SPANXC: variants seen among roughly 807,000 people sequenced by gnomAD.
SPANXC encodes the protein sperm protein associated with the nucleus on the X chromosome C.
A neutral mutation model predicts 1.4 loss-of-function variants in SPANXC; 1 was observed. The observed-to-expected ratio is 0.73, with a 90% CI of 0.26 to 3.48. The LOEUF is 3.48. SPANXC is among the 30% of genes most tolerant of loss of function. The probability of loss-of-function intolerance (pLI) is 0.19; values close to 1 mark genes in which losing one functional copy is unlikely to be tolerated. For synonymous variants in SPANXC, 13 were observed against 30.0 expected (o/e 0.43, Z 1.85); for missense variants, 29 against 73.8 (o/e 0.39, Z 2.22).
intron 1 of SPANXC, 81 bp downstream of exon 1, chrX:141,242,305 C>T (rs1428144725): frequency 1.5e-6 from 1 of 683,913 alleles, no homozygotes; most frequent in East Asian, 5.9e-5. Flanking sequence ...CTGCAATATT[C>T]CTGTGTTGTT....
rs138594433 is a variant in SPANXC, at chrX:141,242,437, G to A, written c.21C>T (p.Ala7=). The change falls in exon 1 of 2, where the codon GCC becomes GCT. Residue 7 remains alanine, a synonymous_variant. Coordinates refer to ENST00000358993, the MANE Select transcript of SPANXC (RefSeq NM_022661.4). MDKQSS[A]GGVKRSVPCD... ...AGGGGACGCTCCTCTTCACCCCGCCGGCACTGGATTGTTTGTCCATTGTAT... is the reference window on the plus strand; with the variant it reads ...AGGGGACGCTCCTCTTCACCCCGCCAGCACTGGATTGTTTGTCCATTGTAT... 5.8e-5 allele frequency: 68 copies of A among 1,174,281 alleles called. No individual in the cohort carries two copies. The African/African-American group carries it at 1.0e-3, about 18-fold the overall frequency.
At position 141,241,671 on chromosome X, in the gene SPANXC, G is replaced by T. The variant is rs2014105935; in HGVS notation, c.140C>A (p.Ser47Tyr). The T allele has an allele frequency of 1.5e-6, 1 of 659,177 alleles. No homozygotes were observed. Among genetic ancestry groups the T allele is most frequent in the Non-Finnish European group, 2.1e-6 (1 of 480,822 alleles). The allele number at this position is 659,177 out of a possible 1,213,427, so 54.3% of individuals were successfully genotyped here. A position where few individuals can be genotyped will look rare whatever the true frequency, so the allele number is the denominator to read the frequency against. Reference protein sequence around the residue: ...PAPKKLKTSESSTILVVRYRR... With the variant: ...PAPKKLKTSEYSTILVVRYRR... Reference sequence around the variant, plus strand: ...GTAGCGAACCACTAGTATGGTCGAGGACTCAGATGTTTTTAGTTTTTTCGG... The same window carrying T: ...GTAGCGAACCACTAGTATGGTCGAGTACTCAGATGTTTTTAGTTTTTTCGG... The change falls in exon 2 of 2, where the codon TCC becomes TAC. Residue 47 changes from serine to tyrosine, a missense_variant. Transcript: ENST00000358993.
In SPANXC at chrX:141,242,508, T is replaced by A. The variant is rs781973284; in HGVS notation, c.-51A>T. On this transcript the variant is annotated 5_prime_UTR_variant, in exon 1 of 2. Transcript: ENST00000358993. ...GCGGCAGGCTTTTGTAGGTTTTGAA[T>A]CTTCGCAGTGGCCCGGAGCTCTTGC... 8.3e-7 allele frequency: 1 copy of A among 1,204,444 alleles called. No individual in the cohort carries two copies. Among genetic ancestry groups the A allele is most frequent in the Non-Finnish European group, 1.1e-6 (1 of 891,184 alleles).
chrX:141,241,817 A>G, intron 1 of SPANXC, 79 bp from the exon 2 acceptor site: 1 of 654,850 alleles, frequency 1.5e-6, no homozygotes, highest in Non-Finnish European at 2.1e-6. Context: ...AGGGGGCTTC[A>G]TGAGAAGAAG....
In SPANXC at chrX:141,242,420, C is replaced by G; in HGVS notation, c.38G>C (p.Ser13Thr). 1 of 1,155,813 alleles carries G rather than the reference C, an allele frequency of 8.7e-7. No individual in the cohort carries two copies. The highest frequency in any genetic ancestry group is 1.2e-6 in the Non-Finnish European group (1 of 860,296). The change falls in exon 1 of 2, where the codon AGC becomes ACC. Residue 13 changes from serine (S) to threonine (T), a missense_variant. Ser to Thr is a moderately conservative substitution (Grantham distance 58). Coordinates refer to ENST00000358993, the MANE Select transcript of SPANXC (RefSeq NM_022661.4). ...GGCCTCGTTGGAATCACAGGGGACG[C>G]TCCTCTTCACCCCGCCGGCACTGGA... ...KQSSAGGVKRSVPCDSNEANE... is the reference protein window; with the variant it reads ...KQSSAGGVKRTVPCDSNEANE...
At position 141,242,484 on chromosome X, in the gene SPANXC, C is replaced by A; in HGVS notation, c.-27G>T. ...GTATATATTGGTTCTTCAATGTCAG[C>A]GGCAGGCTTTTGTAGGTTTTGAATC... On this transcript the variant is annotated 5_prime_UTR_variant, in exon 1 of 2. Transcript: ENST00000358993. 8.4e-7 allele frequency: 1 copy of A among 1,196,822 alleles called. No individual in the cohort carries two copies.
Position 141,242,416 on chromosome X carries a change from G to A in SPANXC, c.42C>T (p.Val14=). The change falls in exon 1 of 2, where the codon GTC becomes GTT. Residue 14 remains valine (V), a synonymous_variant. Coordinates refer to ENST00000358993, the MANE Select transcript of SPANXC (RefSeq NM_022661.4). ...QSSAGGVKRS[V]PCDSNEANEM... is the part of the protein sequence containing the mutation. ...CGTTGGCCTCGTTGGAATCACAGGG[G>A]ACGCTCCTCTTCACCCCGCCGGCAC... The A allele has an allele frequency of 8.9e-7, 1 of 1,129,094 alleles. No homozygotes were observed. Among genetic ancestry groups the A allele is most frequent in the Non-Finnish European group, 1.2e-6 (1 of 837,805 alleles). The allele number at this position is 1,129,094 out of a possible 1,213,427, so 93.1% of individuals were successfully genotyped here. A position where few individuals can be genotyped will look rare whatever the true frequency, so the allele number is the denominator to read the frequency against.
chrX:141,242,351 A>C, intron 1 of SPANXC, 35 bp downstream of exon 1: 2 of 595,406 alleles, frequency 3.4e-6, no homozygotes, highest in African/African-American at 2.7e-5. Context: ...TCTTTCTTTC[A>C]CCCTCGCCTT....
intron 1 of SPANXC, 59 bp downstream of exon 1, chrX:141,242,327 C>G: frequency 1.5e-6 from 1 of 676,896 alleles, no homozygotes; most frequent in Non-Finnish European, 2.1e-6. Flanking sequence ...TTTGAGCCGC[C>G]CCCGCTCTGT....
rs782506682 is a variant in SPANXC at position 141,242,433 on chromosome X, C to T, written c.25G>A (p.Gly9Arg). The T allele has an allele frequency of 2.6e-5, 30 of 1,171,627 alleles. No individual in the cohort carries two copies. The highest frequency in any genetic ancestry group is 1.1e-4 in the South Asian group (6 of 54,723). ...TCACAGGGGACGCTCCTCTTCACCC[C>T]GCCGGCACTGGATTGTTTGTCCATT... is the stretch of plus-strand genomic sequence containing the variant. MDKQSSAGGVKRSVPCDSN... is the reference protein window; with the variant it reads MDKQSSAGRVKRSVPCDSN... The change falls in exon 1 of 2, where the codon GGG (glycine) becomes AGG (arginine). Residue 9 changes from glycine (G) to arginine (R), a missense_variant. Transcript: ENST00000358993.
In SPANXC at chrX:141,242,467, T is replaced by C. The variant is rs188911484; in HGVS notation, c.-10A>G. 4.8e-3 allele frequency: 5,726 copies of C among 1,183,585 alleles called. 203 individuals are homozygous for C. The African/African-American group carries it at 0.092, about 19-fold the overall frequency. On this transcript the variant is annotated 5_prime_UTR_variant, in exon 1 of 2. Transcript: ENST00000358993. ...TGGATTGTTTGTCCATTGTATATAT[T>C]GGTTCTTCAATGTCAGCGGCAGGCT...
At position 141,242,452 on chromosome X, in the gene SPANXC, G is replaced by T. The variant is rs782692775; in HGVS notation, c.6C>A (p.Asp2Glu). 2.9e-5 allele frequency: 34 copies of T among 1,183,916 alleles called. No individual in the cohort carries two copies. The African/African-American group carries it at 5.6e-4, about 19-fold the overall frequency. ...TCACCCCGCCGGCACTGGATTGTTT[G>T]TCCATTGTATATATTGGTTCTTCAA... M[D>E]KQSSAGGVKR... is the part of the protein sequence containing the mutation. Residue 2 changes from aspartate to glutamate, a missense_variant, in exon 1 of 2, where the codon GAC becomes GAA. Physicochemically the swap from Asp to Glu is conservative, Grantham distance 45 (BLOSUM62 2). Transcript: ENST00000358993.
chrX:141,242,413 G>A lies in SPANXC; in HGVS notation c.45C>T (p.Pro15=). ...TCTCGTTGGCCTCGTTGGAATCACA[G>A]GGGACGCTCCTCTTCACCCCGCCGG... The part of the protein sequence containing the change: ...SSAGGVKRSV[P]CDSNEANEMM... The change falls in exon 1 of 2, where the codon CCC becomes CCT. Residue 15 remains proline (P), a synonymous_variant. Transcript: ENST00000358993. 9.0e-7 allele frequency: 1 copy of A among 1,116,241 alleles called. No individual in the cohort carries two copies. Among genetic ancestry groups the A allele is most frequent in the Non-Finnish European group, 1.2e-6 (1 of 827,277 alleles). The allele number at this position is 1,116,241 out of a possible 1,213,427, so 92.0% of individuals were successfully genotyped here.
Position 141,242,486 on chromosome X carries a change from G to T in SPANXC, c.-29C>A, listed in dbSNP as rs781904172. 1.7e-6 allele frequency: 2 copies of T among 1,200,820 alleles called. No individual in the cohort carries two copies. Among genetic ancestry groups the T allele is most frequent in the Non-Finnish European group, 1.1e-6 (1 of 889,156 alleles). ...ATATATTGGTTCTTCAATGTCAGCG[G>T]CAGGCTTTTGTAGGTTTTGAATCTT... is the stretch of plus-strand genomic sequence containing the variant. On this transcript the variant is annotated 5_prime_UTR_variant, in exon 1 of 2. Transcript: ENST00000358993.
In SPANXC at chrX:141,241,636, C is replaced by T. The variant is rs16993705; in HGVS notation, c.175G>A (p.Val59Met). The part of the protein sequence containing the change: ...TILVVRYRRN[V>M]KRTSPEELVN... ...AGTTCCTCTGGAGATGTTCTTTTCA[C>T]GTTCCTCCTGTAGCGAACCACTAGT... is the stretch of plus-strand genomic sequence containing the variant. The change falls in exon 2 of 2, where the codon GTG (valine) becomes ATG (methionine). Residue 59 changes from valine (V) to methionine (M), a missense_variant. Transcript: ENST00000358993. 8.9e-7 allele frequency: 1 copy of T among 1,119,227 alleles called. No individual in the cohort carries two copies. The allele number at this position is 1,119,227 out of a possible 1,213,427, so 92.2% of individuals were successfully genotyped here. A position where few individuals can be genotyped will look rare whatever the true frequency, so the allele number is the denominator to read the frequency against.
At chrX:141,242,251 C>T (rs1230511047) in intron 1 of SPANXC, 135 bp downstream of exon 1, 14 of 456,993 alleles carry the variant, frequency 3.1e-5, no homozygotes, top group African/African-American at 1.4e-4. Flanking sequence ...CTGTAAGCGG[C>T]GGTGGGCTCT....
rs1358257940 is a variant in SPANXC at position 141,242,512 on chromosome X, C to T, written c.-55G>A. 9 of 1,200,357 alleles carry T rather than the reference C, an allele frequency of 7.5e-6. No homozygotes were observed. In the East Asian group the frequency reaches 1.8e-4, roughly 24 times the overall value. On this transcript the variant is annotated 5_prime_UTR_variant, in exon 1 of 2. Transcript: ENST00000358993. ...CAGGCTTTTGTAGGTTTTGAATCTT[C>T]GCAGTGGCCCGGAGCTCTTGCCCTC...
chrX:141,242,478 T>C lies in SPANXC; in HGVS notation c.-21A>G, dbSNP rs371067766. 49 of 1,189,693 alleles carry C rather than the reference T, an allele frequency of 4.1e-5. No homozygotes were observed. In the African/African-American group the frequency reaches 6.2e-4, roughly 15 times the overall value. On this transcript the variant is annotated 5_prime_UTR_variant, in exon 1 of 2. Transcript: ENST00000358993. Reference sequence around the variant, plus strand: ...TCCATTGTATATATTGGTTCTTCAATGTCAGCGGCAGGCTTTTGTAGGTTT... The same window carrying C: ...TCCATTGTATATATTGGTTCTTCAACGTCAGCGGCAGGCTTTTGTAGGTTT...
Sources: allele counts gnomAD v4.1 joint callset, GRCh38; gene constraint gnomAD v4.1.1; transcripts MANE v1.5; gene names NCBI Gene and HGNC (gene_info 2026-07-23, HGNC 2026-07-21).